Variants in ITPR2 observed in about 807,000 individuals in gnomAD.
The protein encoded by ITPR2 is inositol 1,4,5-trisphosphate-gated calcium channel ITPR2.
Under a neutral mutation model 317.1 loss-of-function variants are expected in ITPR2, and 207 were observed. That is an observed-to-expected ratio of 0.65 (90% CI 0.58 to 0.73). The LOEUF (loss-of-function observed/expected upper bound fraction) is 0.73, where lower values mean the gene tolerates loss of function less well. Among genes scored for constraint, ITPR2 ranks in the 30% least tolerant of loss-of-function variants. The probability of loss-of-function intolerance (pLI) is 0.00; values close to 1 mark genes in which losing one functional copy is unlikely to be tolerated. For synonymous variants in ITPR2, 1,156 were observed against 1,149.1 expected (o/e 1.01, Z -0.12); for missense variants, 2,613 against 3,284.0 (o/e 0.80, Z 4.99).
intron 1 of ITPR2, among the ~76,000 whole-genome samples, chr12:26,805,261 A>G (rs1193498747): frequency 6.6e-6 from 1 of 152,242 alleles, no homozygotes; most frequent in Non-Finnish European, 1.5e-5. Flanking sequence ...CAAAATTGAG[A>G]TAATAATAGT....
chr12:26,413,683 T>C (rs1036442606), intron 51 of ITPR2, among the ~76,000 whole-genome samples: 1 of 152,180 alleles, frequency 6.6e-6, no homozygotes, highest in Non-Finnish European at 1.5e-5. Context: ...TGGGTTTTCA[T>C]AGTATTTATA....
intron 47 of ITPR2, among the ~76,000 whole-genome samples, chr12:26,438,807 A>G (rs928923473): frequency 1.3e-5 from 2 of 152,234 alleles, no homozygotes; most frequent in Non-Finnish European, 2.9e-5. Flanking sequence ...GTCAGGGCCC[A>G]TTCACGGACT....
rs145005243 is a variant in ITPR2 at position 26,363,229 on chromosome 12, G to A, written c.7858-22901C>T. Among the ~76,000 whole-genome samples, 14 of 152,310 alleles carry A rather than the reference G, an allele frequency of 9.2e-5. No homozygotes were observed. In the East Asian group the frequency reaches 2.5e-3, roughly 27 times the overall value. ...TGAACTGTGCATTTGAGGGATCTAG[G>A]TTATATGCTCCTTTTAAGAATCTAA... On this transcript the variant is annotated intron_variant, in intron 55 of 56. Coordinates refer to ENST00000381340, the MANE Select transcript of ITPR2 (RefSeq NM_002223.4).
Position 26,808,330 on chromosome 12 carries a change from T to C in ITPR2, c.93-18103A>G, listed in dbSNP as rs12321937. Among the ~76,000 whole-genome samples, 1,040 of 152,266 alleles carry C rather than the reference T, an allele frequency of 6.8e-3. 11 individuals are homozygous for C. The highest frequency in any genetic ancestry group is 0.023 in the African/African-American group (967 of 41,538). On this transcript the variant is annotated intron_variant, in intron 1 of 56. Transcript: ENST00000381340. Reference sequence around the variant, plus strand: ...GGGTTTCTGTTCCTTTCAGTAGAAGTAAATGTAGCCATGAAGGTCACACAG... The same window carrying C: ...GGGTTTCTGTTCCTTTCAGTAGAAGCAAATGTAGCCATGAAGGTCACACAG...
intron 2 of ITPR2, among the ~76,000 whole-genome samples, chr12:26,774,933 G>C (rs1438340967): frequency 1.3e-5 from 2 of 152,216 alleles, no homozygotes; most frequent in East Asian, 3.8e-4. Context: ...TCCTTCGTAG[G>C]AGGTTCCAAG....
At chr12:26,681,459 T>C (rs1948028628) in intron 13 of ITPR2, among the ~76,000 whole-genome samples, 1 of 152,124 alleles carries the variant, frequency 6.6e-6, no homozygotes, top group Admixed American at 6.6e-5. Flanking sequence ...GTTTTACATA[T>C]CTGTTTATTT....
chr12:26,625,719 TGA>T (rs1946608232), intron 23 of ITPR2, among the ~76,000 whole-genome samples: 1 of 152,202 alleles, frequency 6.6e-6, no homozygotes, highest in East Asian at 1.9e-4. Flanking sequence ...ATAATTTAAA[TGA>T]GTGATAAATG....
intron 10 of ITPR2, among the ~76,000 whole-genome samples, chr12:26,693,223 G>A (rs183386728): frequency 1.4e-4 from 21 of 152,282 alleles, no homozygotes; most frequent in African/African-American, 4.8e-4. Flanking sequence ...TTAAAGTATT[G>A]CCAGTAACAA....
At chr12:26,374,349 C>T (rs907901185) in intron 55 of ITPR2, among the ~76,000 whole-genome samples, 1 of 152,232 alleles carries the variant, frequency 6.6e-6, no homozygotes, top group Admixed American at 6.5e-5. Flanking sequence ...AACTGTGCAA[C>T]AGGCCATGGC....
At chr12:26,666,163 T>TAGATAGATAGATAGATG in intron 13 of ITPR2, 112 bp from the exon 14 acceptor site, 1 of 411,848 alleles carries the variant, frequency 2.4e-6, no homozygotes, top group Non-Finnish European at 3.7e-6. Context: ...GATAGATAGA[T>TAGATAGATAGATAGATG]TTTTTTTTAC....
chr12:26,672,486 T>C (rs1947801840), intron 13 of ITPR2, among the ~76,000 whole-genome samples: 1 of 151,620 alleles, frequency 6.6e-6, no homozygotes, highest in African/African-American at 2.4e-5. Flanking sequence ...GAAATAAAGA[T>C]GTTCTTTGAA....
chr12:26,451,677 C>T lies in ITPR2; in HGVS notation c.6343-8027G>A, dbSNP rs77722150. Among the ~76,000 whole-genome samples the T allele has an allele frequency of 2.5e-4, 38 of 152,134 alleles. No individual in the cohort carries two copies. In the East Asian group the frequency reaches 7.3e-3, roughly 29 times the overall value. ...AATTAAAAAATGAAACAAACTTCTC[C>T]TAATTTCAAATGATCTAGACTCCTA... On this transcript the variant is annotated intron_variant, in intron 45 of 56. Coordinates refer to ENST00000381340, the MANE Select transcript of ITPR2 (RefSeq NM_002223.4).
rs1316043847 is a variant in ITPR2 at position 26,665,918 on chromosome 12, G to T, written c.1543C>A (p.Leu515Met). The change falls in exon 14 of 57, where the codon CTG becomes ATG. Residue 515 changes from leucine (L) to methionine (M), a missense_variant. Physicochemically the swap from Leu to Met is conservative, Grantham distance 15 (BLOSUM62 2). This residue lies in a region of ITPR2 where 515 missense variants were observed against 789.4 expected (regional missense o/e 0.65). Transcript: ENST00000381340. The part of the protein sequence containing the change: ...RQKLMREQNI[L>M]AQVFGILKAP... The stretch of plus-strand genomic sequence containing the variant: ...TACATGAAAAAATTCACCTGTGCCA[G>T]TATGTTTTGTTCCCTCATCAATTTT... 9.9e-6 allele frequency: 16 copies of T among 1,610,154 alleles called. No individual in the cohort carries two copies. The highest frequency in any genetic ancestry group is 1.4e-5 in the Non-Finnish European group (16 of 1,179,004).
At chr12:26,458,770 A>G (rs1941947316) in intron 45 of ITPR2, among the ~76,000 whole-genome samples, 1 of 152,184 alleles carries the variant, frequency 6.6e-6, no homozygotes, top group Non-Finnish European at 1.5e-5. Flanking sequence ...TGCAGCATCC[A>G]TTTAGGATCT....
chr12:26,659,937 A>T (rs1947458778), intron 15 of ITPR2, among the ~76,000 whole-genome samples: 1 of 152,256 alleles, frequency 6.6e-6, no homozygotes, highest in African/African-American at 2.4e-5. Context: ...TTAAAAAGCC[A>T]CCAAACAGGG....
At chr12:26,452,609 G>A (rs1200948660) in intron 45 of ITPR2, among the ~76,000 whole-genome samples, 1 of 152,176 alleles carries the variant, frequency 6.6e-6, no homozygotes, top group East Asian at 1.9e-4. Flanking sequence ...GATTAATGCT[G>A]CTCCTGAGGG....
chr12:26,695,592 C>A lies in ITPR2; in HGVS notation c.996+14G>T, dbSNP rs771617915. 1.2e-6 allele frequency: 2 copies of A among 1,605,652 alleles called. No homozygotes were observed. Among genetic ancestry groups the A allele is most frequent in the Non-Finnish European group, 1.7e-6 (2 of 1,172,724 alleles). The stretch of plus-strand genomic sequence containing the variant: ...TATGCTGAGATTTGTTGGAGAAAAG[C>A]CAGTTCTACTCACCACATTTTTTCC... On this transcript the variant is annotated intron_variant, in intron 10 of 56. Coordinates refer to ENST00000381340, the MANE Select transcript of ITPR2 (RefSeq NM_002223.4).
chr12:26,368,679 T>G (rs143351769), intron 55 of ITPR2, among the ~76,000 whole-genome samples: 1 of 152,224 alleles, frequency 6.6e-6, no homozygotes. Flanking sequence ...TCACTAAAGA[T>G]ATATCATTAC....
chr12:26,399,198 G>GT (rs1940093662), intron 53 of ITPR2, among the ~76,000 whole-genome samples, 157 bp from the exon 54 acceptor site: 2 of 152,190 alleles, frequency 1.3e-5, no homozygotes, highest in Non-Finnish European at 2.9e-5. Flanking sequence ...TTTAAGTGTT[G>GT]TAAGAAAAAC....
Sources: gnomAD v4.1 joint callset for allele counts (sites outside exome capture counted in the v4.1 genomes callset) on GRCh38, gnomAD v4.1.1 for gene constraint, gnomAD v4.1.1 regional missense constraint, MANE v1.5 for transcripts, NCBI Gene and HGNC (gene_info 2026-07-23, HGNC 2026-07-21) for gene names.